The following CADPS2 variants were observed in gnomAD, a reference collection of about 807,000 sequenced individuals.
CADPS2 encodes the protein calcium-dependent secretion activator 2.
A neutral mutation model predicts 172.5 loss-of-function variants in CADPS2; 93 were observed. That is an observed-to-expected ratio of 0.54 (90% CI 0.46 to 0.64). The LOEUF is 0.64. Ranked by LOEUF, CADPS2 falls within the 30% of genes least tolerant of loss-of-function variation. The probability of loss-of-function intolerance (pLI) is 0.00; values close to 1 mark genes in which losing one functional copy is unlikely to be tolerated. For synonymous variants in CADPS2, 546 were observed against 555.2 expected, an observed-to-expected ratio of 0.98 and a Z score of 0.23; for missense variants, 1,420 against 1,565.9, an observed-to-expected ratio of 0.91 and a Z score of 1.57.
intron 6 of CADPS2, among the ~76,000 whole-genome samples, chr7:122,594,093 A>C (rs181737246): frequency 6.6e-6 from 1 of 152,146 alleles, no homozygotes; most frequent in Admixed American, 6.6e-5. Flanking sequence ...ACACTGAATA[A>C]AATTTTTTAT....
At chr7:122,590,754 T>C (rs2070665877) in intron 6 of CADPS2, among the ~76,000 whole-genome samples, 1 of 151,848 alleles carries the variant, frequency 6.6e-6, no homozygotes, top group South Asian at 2.1e-4. Context: ...ATAGCTCCAA[T>C]ATAATCCTAA....
At chr7:122,414,666 C>T (rs1225250100) in intron 18 of CADPS2, among the ~76,000 whole-genome samples, 1 of 152,088 alleles carries the variant, frequency 6.6e-6, no homozygotes, top group African/African-American at 2.4e-5. Flanking sequence ...AACTAGATTC[C>T]ACAGTGTGAG....
intron 7 of CADPS2, among the ~76,000 whole-genome samples, chr7:122,571,567 T>C (rs1372396646): frequency 6.6e-6 from 1 of 152,118 alleles, no homozygotes; most frequent in Non-Finnish European, 1.5e-5. Context: ...GAGCAACAAC[T>C]TTCAAAGTCA....
At chr7:122,613,941 TA>T (rs1325183871) in intron 6 of CADPS2, among the ~76,000 whole-genome samples, 4 of 151,686 alleles carry the variant, frequency 2.6e-5, no homozygotes, top group Admixed American at 6.6e-5. Flanking sequence ...GTCCCAAAAT[TA>T]AAAAGTGGTC....
At chr7:122,515,571 T>C (rs989905511) in intron 8 of CADPS2, among the ~76,000 whole-genome samples, 6 of 152,114 alleles carry the variant, frequency 3.9e-5, no homozygotes, top group Non-Finnish European at 8.8e-5. Flanking sequence ...GAATGACCTT[T>C]GCCTGGAACC....
chr7:122,843,126 C>G (rs190986275), intron 1 of CADPS2, among the ~76,000 whole-genome samples: 35 of 152,242 alleles, frequency 2.3e-4, no homozygotes, highest in Admixed American at 2.3e-3. Flanking sequence ...GCTGGAAAAA[C>G]AAAAGCCTTC....
chr7:122,773,544 T>C (rs1196340892), intron 1 of CADPS2, among the ~76,000 whole-genome samples: 2 of 151,938 alleles, frequency 1.3e-5, no homozygotes, highest in African/African-American at 4.8e-5. Context: ...ATGAAGAGGG[T>C]GTCTTGGCAC....
In CADPS2 at chr7:122,551,523, T is replaced by C. The variant is rs2064293065; in HGVS notation, c.1475+3027A>G. ...ATAAAACAGAGAATACATGTTACAA[T>C]AGTTCACGCAAGAAAGATCTATTTG... On this transcript the variant is annotated intron_variant, in intron 8 of 29. Transcript: ENST00000449022. Among the ~76,000 whole-genome samples, 4 of 152,018 alleles carry C rather than the reference T, an allele frequency of 2.6e-5. No individual in the cohort carries two copies. The South Asian group carries it at 8.3e-4, about 32-fold the overall frequency.
chr7:122,636,360 AG>A (rs2077059279), intron 3 of CADPS2, among the ~76,000 whole-genome samples: 2 of 151,506 alleles, frequency 1.3e-5, no homozygotes, highest in Admixed American at 1.3e-4. Flanking sequence ...TAGGAAGCTT[AG>A]TTTGGCAGGA....
intron 17 of CADPS2, among the ~76,000 whole-genome samples, chr7:122,437,238 G>A (rs1210374800): frequency 6.6e-6 from 1 of 152,022 alleles, no homozygotes; most frequent in East Asian, 1.9e-4. Flanking sequence ...AAGTTAAAAT[G>A]GTAACTAAGG....
chr7:122,718,472 T>C (rs1451587148), intron 2 of CADPS2, among the ~76,000 whole-genome samples: 6 of 152,018 alleles, frequency 3.9e-5, no homozygotes, highest in African/African-American at 1.4e-4. Flanking sequence ...GTGAGCTCAG[T>C]CTTACAGGAC....
At chr7:122,721,862 C>A (rs991003737) in intron 2 of CADPS2, among the ~76,000 whole-genome samples, 5 of 152,150 alleles carry the variant, frequency 3.3e-5, no homozygotes, top group Admixed American at 1.3e-4. Context: ...TGGGCTTCAT[C>A]CCTGGGATAC....
intron 1 of CADPS2, among the ~76,000 whole-genome samples, chr7:122,828,493 T>A (rs1343107979): frequency 6.6e-6 from 1 of 152,182 alleles, no homozygotes; most frequent in Non-Finnish European, 1.5e-5. Context: ...TAGTTCTCTT[T>A]GCCTTCATCA....
intron 2 of CADPS2, chr7:122,702,076 T>G (rs748454175): frequency 6.2e-6 from 10 of 1,613,554 alleles, no homozygotes; most frequent in Admixed American, 1.7e-5. Flanking sequence ...TTATTTGACT[T>G]CGCCTCCTGG....
At chr7:122,697,389 T>G (rs1312845749) in intron 2 of CADPS2, among the ~76,000 whole-genome samples, 1 of 152,152 alleles carries the variant, frequency 6.6e-6, no homozygotes, top group Non-Finnish European at 1.5e-5. Context: ...AAAAGATAAT[T>G]TATTGTTTTC....
intron 6 of CADPS2, among the ~76,000 whole-genome samples, chr7:122,586,847 T>A (rs2069780231): frequency 6.6e-6 from 1 of 152,016 alleles, no homozygotes; most frequent in South Asian, 2.1e-4. Context: ...GTAAGAAAGT[T>A]ATGGTTAAAC....
intron 17 of CADPS2, among the ~76,000 whole-genome samples, chr7:122,416,430 C>A (rs548651459): frequency 2.0e-4 from 30 of 152,282 alleles, no homozygotes; most frequent in African/African-American, 6.7e-4. Context: ...ACTTCTGCAA[C>A]AAACAAGTTA....
At chr7:122,650,792 A>G (rs1322751301) in intron 3 of CADPS2, among the ~76,000 whole-genome samples, 1 of 152,158 alleles carries the variant, frequency 6.6e-6, no homozygotes, top group Non-Finnish European at 1.5e-5. Context: ...AATTTTTGAG[A>G]GCGGAAACTT....
At chr7:122,810,087 GC>G (rs1799701854) in intron 1 of CADPS2, among the ~76,000 whole-genome samples, 1 of 152,010 alleles carries the variant, frequency 6.6e-6, no homozygotes, top group African/African-American at 2.4e-5. Flanking sequence ...GTTTACTCTA[GC>G]TTTTGCCCAA....
Sources: allele counts gnomAD v4.1 joint callset (sites outside exome capture counted in the v4.1 genomes callset), GRCh38; gene constraint gnomAD v4.1.1; transcripts MANE v1.5; gene names NCBI Gene and HGNC (gene_info 2026-07-23, HGNC 2026-07-21).